Variants in KCNIP4 observed in about 807,000 individuals in gnomAD.
KCNIP4 encodes Kv channel-interacting protein 4.
Under a neutral mutation model 34.0 loss-of-function variants are expected in KCNIP4, and 12 were observed. The observed-to-expected ratio is 0.35, with a 90% CI of 0.23 to 0.57. KCNIP4 has a LOEUF of 0.57. Ranked by LOEUF, KCNIP4 falls within the 20% of genes least tolerant of loss-of-function variation. The pLI is 0.83. For missense variants in KCNIP4, 238 were observed against 311.7 expected (o/e 0.76, Z 1.78); for synonymous variants, 124 against 102.2 (o/e 1.21, Z -1.29).
chr4:21,510,078 CAAAA>C (rs759477091), intron 1 of KCNIP4, among the ~76,000 whole-genome samples: 33 of 65,222 alleles, frequency 5.1e-4, no homozygotes, highest in Admixed American at 1.4e-3. Flanking sequence ...ACTCCATCTC[CAAAA>C]AAAAAAAAAA....
At chr4:21,648,077 G>A (rs7669828) in intron 1 of KCNIP4, among the ~76,000 whole-genome samples, 41,601 of 151,126 alleles carry the variant, frequency 0.28, 7,328 homozygotes, top group East Asian at 0.9. Flanking sequence ...GTTTCACCGT[G>A]TTAGTGAGGA....
At chr4:21,421,261 T>C (rs895665637) in intron 1 of KCNIP4, among the ~76,000 whole-genome samples, 4 of 152,132 alleles carry the variant, frequency 2.6e-5, no homozygotes, top group Admixed American at 6.5e-5. Flanking sequence ...TCCAGCAATC[T>C]CATTTCTGGG....
At chr4:21,370,649 A>G (rs1320046286) in intron 1 of KCNIP4, among the ~76,000 whole-genome samples, 4 of 141,334 alleles carry the variant, frequency 2.8e-5, no homozygotes, top group Non-Finnish European at 5.9e-5. Context: ...AGAAGATGAT[A>G]TGCGGACATA....
Position 21,576,891 on chromosome 4 carries a change from T to G in KCNIP4, c.61+371680A>C, listed in dbSNP as rs138774884. ...AATACTATTCTATTTTATTTTTACT[T>G]TGTGATTGCTCCATTATCATATAAT... On this transcript the variant is annotated intron_variant, in intron 1 of 8. Transcript: ENST00000382152. Among the ~76,000 whole-genome samples, 296 of 152,224 alleles carry G rather than the reference T, an allele frequency of 1.9e-3. 1 individual carries two copies. Among genetic ancestry groups the G allele is most frequent in the African/African-American group, 6.8e-3 (282 of 41,542 alleles).
intron 1 of KCNIP4, among the ~76,000 whole-genome samples, chr4:21,541,559 C>T (rs1489035848): frequency 1.3e-5 from 2 of 152,134 alleles, no homozygotes; most frequent in East Asian, 1.9e-4. Context: ...GGCTTCAGAC[C>T]CCTCCACTGC....
rs189911268 is a variant in KCNIP4 at position 21,534,874 on chromosome 4, G to C, written c.61+413697C>G. 9.3e-4 allele frequency among the ~76,000 whole-genome samples: 141 copies of C among 152,250 alleles called. 1 individual carries two copies. Among genetic ancestry groups the C allele is most frequent in the African/African-American group, 3.3e-3 (138 of 41,530 alleles). On this transcript the variant is annotated intron_variant, in intron 1 of 8. Coordinates refer to ENST00000382152, the MANE Select transcript of KCNIP4 (RefSeq NM_025221.6). ...GTTTGGTGAAGTATCCCTGATCACA[G>C]TCAGCTTCACATCGTAGGGCTTTGA...
chr4:21,145,578 T>A (rs796068107), intron 1 of KCNIP4, among the ~76,000 whole-genome samples: 9 of 152,300 alleles, frequency 5.9e-5, no homozygotes, highest in African/African-American at 2.2e-4. Flanking sequence ...AGTCCTCCAA[T>A]ATTTCCTGGG....
chr4:20,970,428 A>C (rs2149675893), intron 1 of KCNIP4, among the ~76,000 whole-genome samples: 1 of 152,254 alleles, frequency 6.6e-6, no homozygotes, highest in Non-Finnish European at 1.5e-5. Flanking sequence ...TTTAGTTTGT[A>C]ATTTATGAAT....
intron 1 of KCNIP4, among the ~76,000 whole-genome samples, chr4:21,580,053 A>G (rs1741090863): frequency 6.6e-6 from 1 of 152,120 alleles, no homozygotes; most frequent in African/African-American, 2.4e-5. Flanking sequence ...GAAATAAAAC[A>G]TATTTACTTG....
At chr4:21,758,406 G>A (rs1717811678) in intron 1 of KCNIP4, among the ~76,000 whole-genome samples, 1 of 152,226 alleles carries the variant, frequency 6.6e-6, no homozygotes, top group Non-Finnish European at 1.5e-5. Flanking sequence ...ACCCCCACAT[G>A]TCTCTTTGAG....
At chr4:20,864,010 A>G (rs960434018) in intron 2 of KCNIP4, among the ~76,000 whole-genome samples, 2 of 145,680 alleles carry the variant, frequency 1.4e-5, no homozygotes, top group Non-Finnish European at 3.0e-5. Flanking sequence ...GTACATGTAA[A>G]TGTGTGTATG....
rs746275829 is a variant in KCNIP4, at chr4:21,714,783, T to TTGA, written c.61+233785_61+233787dup. On this transcript the variant is annotated intron_variant, in intron 1 of 8. Transcript: ENST00000382152. ...TAAAGAATGTGTTAGTAATTTCCCT[T>TTGA]TGATTATTTTATTTTATTTTATTTT... Among the ~76,000 whole-genome samples the TTGA allele has an allele frequency of 2.1e-4, 10 of 47,294 alleles. 4 individuals are homozygous for TTGA. Among genetic ancestry groups the TTGA allele is most frequent in the Non-Finnish European group, 3.0e-4 (9 of 29,948 alleles). 31.0% of individuals were successfully genotyped at this position (47,294 alleles called of 152,430 possible).
intron 1 of KCNIP4, among the ~76,000 whole-genome samples, chr4:21,711,345 A>T (rs1204486123): frequency 1.3e-5 from 2 of 152,050 alleles, no homozygotes; most frequent in African/African-American, 4.8e-5. Context: ...GGTGACATGC[A>T]CCTATAGTCC....
At chr4:21,930,355 C>T (rs574540153) in intron 1 of KCNIP4, among the ~76,000 whole-genome samples, 4 of 152,224 alleles carry the variant, frequency 2.6e-5, no homozygotes, top group South Asian at 4.1e-4. Flanking sequence ...CTACATTGTT[C>T]GTACCATTTT....
chr4:21,299,837 T>C (rs145687521), intron 1 of KCNIP4, among the ~76,000 whole-genome samples: 6 of 152,290 alleles, frequency 3.9e-5, no homozygotes, highest in Non-Finnish European at 4.4e-5. Flanking sequence ...ACTTGGGTTC[T>C]AAAAATCCAT....
At chr4:21,566,491 C>T (rs148489035) in intron 1 of KCNIP4, among the ~76,000 whole-genome samples, 1 of 152,210 alleles carries the variant, frequency 6.6e-6, no homozygotes, top group East Asian at 1.9e-4. Context: ...CTTCCTCCTG[C>T]TCCACCCATG....
intron 1 of KCNIP4, among the ~76,000 whole-genome samples, chr4:21,911,074 A>G (rs1233272828): frequency 1.3e-5 from 2 of 152,154 alleles, no homozygotes; most frequent in East Asian, 3.9e-4. Flanking sequence ...GCCTCAACTA[A>G]CCAAAGAACT....
chr4:21,343,155 T>C (rs985325604), intron 1 of KCNIP4, among the ~76,000 whole-genome samples: 1 of 152,064 alleles, frequency 6.6e-6, no homozygotes, highest in Non-Finnish European at 1.5e-5. Context: ...GCAGCAAACT[T>C]GTGAAGCTGC....
At position 21,147,953 on chromosome 4, in the gene KCNIP4, A is replaced by AG. The variant is rs1752488149; in HGVS notation, c.62-265245_62-265244insC. Reference sequence around the variant, plus strand: ...AAACTCCGTCTCAAAAAAAAAAAAAAAAAAAAAGAAAAAAAGTTCAAGTAC... The same window carrying AG: ...AAACTCCGTCTCAAAAAAAAAAAAAAGAAAAAAAGAAAAAAAGTTCAAGTAC... On this transcript the variant is annotated intron_variant, in intron 1 of 8. Transcript: ENST00000382152. Among the ~76,000 whole-genome samples the AG allele has an allele frequency of 2.9e-5, 4 of 138,108 alleles. 1 individual carries two copies. Among genetic ancestry groups the AG allele is most frequent in the African/African-American group, 2.7e-5 (1 of 36,854 alleles). The allele number at this position is 138,108 out of a possible 152,430, so 90.6% of individuals were successfully genotyped here.
Sources: gnomAD v4.1 joint callset for allele counts (sites outside exome capture counted in the v4.1 genomes callset) on GRCh38, gnomAD v4.1.1 for gene constraint, MANE v1.5 for transcripts, NCBI Gene and HGNC (gene_info 2026-07-23, HGNC 2026-07-21) for gene names.